The following ATAD2B variants were observed in gnomAD, a reference collection of about 807,000 sequenced individuals.
ATAD2B encodes the protein ATPase family AAA domain-containing protein 2B.
Under a neutral mutation model 167.6 loss-of-function variants are expected in ATAD2B, and 40 were observed. The observed-to-expected ratio is 0.24, with a 90% confidence interval of 0.19 to 0.31. The LOEUF is 0.31. Ranked by LOEUF, ATAD2B falls within the 10% of genes least tolerant of loss-of-function variation. ATAD2B has a pLI of 1.00. For synonymous variants in ATAD2B, 579 were observed against 596.5 expected (o/e 0.97, Z 0.43); for missense variants, 1,242 against 1,757.2 (o/e 0.71, Z 5.24).
chr2:23,856,879 A>C (rs1454227972), intron 13 of ATAD2B, among the ~76,000 whole-genome samples: 1 of 151,838 alleles, frequency 6.6e-6, no homozygotes, highest in East Asian at 1.9e-4. Context: ...AAACCAAAAA[A>C]TTATGCTAAA....
At chr2:23,731,786 G>A in the ATAD2B span, among the ~76,000 whole-genome samples, 2 of 152,040 alleles carry the variant, frequency 1.3e-5, no homozygotes, top group African/African-American at 4.8e-5. Context: ...GACCAGCTTG[G>A]GCAATACAGT....
chr2:23,816,408 G>T (rs899601762), intron 17 of ATAD2B, among the ~76,000 whole-genome samples: 1 of 152,018 alleles, frequency 6.6e-6, no homozygotes, highest in African/African-American at 2.4e-5. Flanking sequence ...ACCAATAAGG[G>T]TCTATAAATT....
chr2:23,924,748 C>G (rs879616396), intron 1 of ATAD2B, among the ~76,000 whole-genome samples: 15 of 152,030 alleles, frequency 9.9e-5, no homozygotes, highest in Non-Finnish European at 1.9e-4. Flanking sequence ...TCATTAGTAC[C>G]CTTCTACAAA....
intron 1 of ATAD2B, among the ~76,000 whole-genome samples, chr2:23,913,839 T>C (rs765644753): frequency 2.0e-5 from 3 of 152,138 alleles, no homozygotes; most frequent in Admixed American, 2.0e-4. Context: ...GAACGGCTCA[T>C]GCCTGTAATC....
At chr2:23,814,169 G>A (rs1686065913) in intron 17 of ATAD2B, among the ~76,000 whole-genome samples, 1 of 152,078 alleles carries the variant, frequency 6.6e-6, no homozygotes. Flanking sequence ...AATGTATAAA[G>A]AGTTTATATG....
intron 11 of ATAD2B, among the ~76,000 whole-genome samples, 158 bp downstream of exon 11, chr2:23,864,651 C>T (rs1694885561): frequency 6.6e-6 from 1 of 152,222 alleles, no homozygotes; most frequent in Non-Finnish European, 1.5e-5. Flanking sequence ...AGTTCCATGG[C>T]CTCTGGACCC....
chr2:23,880,074 AG>A (rs1697637428), intron 7 of ATAD2B, among the ~76,000 whole-genome samples: 1 of 149,006 alleles, frequency 6.7e-6, no homozygotes, highest in African/African-American at 2.4e-5. Context: ...AAAAAAAAAG[AG>A]AGAGAGAGAT....
At chr2:23,912,957 C>G (rs570446868) in intron 1 of ATAD2B, among the ~76,000 whole-genome samples, 1 of 152,276 alleles carries the variant, frequency 6.6e-6, no homozygotes, top group East Asian at 1.9e-4. Flanking sequence ...GATGGAGCCA[C>G]TGCACTCTAG....
intron 18 of ATAD2B, among the ~76,000 whole-genome samples, chr2:23,803,332 ACACACACG>A (rs1683799354): frequency 6.6e-6 from 1 of 151,118 alleles, no homozygotes; most frequent in African/African-American, 2.4e-5. Context: ...ACACACACAC[ACACACACG>A]CGCACGCATT....
At chr2:23,866,713 C>T (rs568895646) in intron 10 of ATAD2B, among the ~76,000 whole-genome samples, 1 of 152,196 alleles carries the variant, frequency 6.6e-6, no homozygotes, top group South Asian at 2.1e-4. Flanking sequence ...GCATTTTCCT[C>T]TATGACTTCA....
chr2:23,765,555 T>C lies in ATAD2B; in HGVS notation c.3207A>G (p.Pro1069=), dbSNP rs770336011. 3 of 1,577,856 alleles carry C rather than the reference T, an allele frequency of 1.9e-6. No individual in the cohort carries two copies. Among genetic ancestry groups the C allele is most frequent in the African/African-American group, 2.7e-5 (2 of 74,396 alleles). Reference sequence around the variant, plus strand: ...TTTCCTCACAAAGTTTATTAAATTCTGGATCTAATTCAGCTGCAATGATAG... The same window carrying C: ...TTTCCTCACAAAGTTTATTAAATTCCGGATCTAATTCAGCTGCAATGATAG... ...AHAIIAAELD[P]EFNKLCEEIK... The change falls in exon 23 of 28, where the codon CCA becomes CCG. Residue 1069 remains proline (P), a synonymous_variant. Coordinates refer to ENST00000238789, the MANE Select transcript of ATAD2B (RefSeq NM_017552.4).
the ATAD2B span, among the ~76,000 whole-genome samples, chr2:23,704,903 T>C: frequency 6.6e-6 from 1 of 152,230 alleles, no homozygotes; most frequent in Admixed American, 6.5e-5. Flanking sequence ...AGAGTGCCCA[T>C]TGTTTGTGTA....
chr2:23,766,987 T>C (rs937940605), intron 22 of ATAD2B, among the ~76,000 whole-genome samples: 1 of 152,006 alleles, frequency 6.6e-6, no homozygotes. Context: ...TGTAAAGAGT[T>C]TGGAGATTTC....
chr2:23,815,194 T>G (rs1305555644), intron 17 of ATAD2B, among the ~76,000 whole-genome samples: 1 of 152,136 alleles, frequency 6.6e-6, no homozygotes, highest in Admixed American at 6.5e-5. Flanking sequence ...GGAAAGGGTT[T>G]TGAAAGAAGG....
chr2:23,821,955 C>A (rs1687514066), intron 16 of ATAD2B, among the ~76,000 whole-genome samples: 1 of 152,096 alleles, frequency 6.6e-6, no homozygotes. Flanking sequence ...CGCACCCAGC[C>A]ATGAGTGATG....
At position 23,926,808 on chromosome 2, in the gene ATAD2B, G is replaced by T; in HGVS notation, c.-38C>A. Reference sequence around the variant, plus strand: ...GGGACGGAGTCCACGCCGCGCCCGGGAGAGCCGAGCAAGGCCGGCCCGCCG... The same window carrying T: ...GGGACGGAGTCCACGCCGCGCCCGGTAGAGCCGAGCAAGGCCGGCCCGCCG... On this transcript the variant is annotated 5_prime_UTR_variant, in exon 1 of 28. Transcript: ENST00000238789. 6.8e-7 allele frequency: 1 copy of T among 1,481,394 alleles called. No homozygotes were observed. Among genetic ancestry groups the T allele is most frequent in the Non-Finnish European group, 9.0e-7 (1 of 1,114,802 alleles). The allele number at this position is 1,481,394 out of a possible 1,614,324, so 91.8% of individuals were successfully genotyped here.
At position 23,875,912 on chromosome 2, in the gene ATAD2B, G is replaced by A. The variant is rs1696750801; in HGVS notation, c.902-8C>T. On this transcript the variant is annotated splice_polypyrimidine_tract_variant and splice_region_variant and intron_variant, in intron 7 of 27. Transcript: ENST00000238789. ...TTTTTTGATGAGCTGGTACTAAAAG[G>A]GAAGAAAAGGATAATAGAGAAATAA... 1 of 1,569,054 alleles carries A rather than the reference G, an allele frequency of 6.4e-7. No individual in the cohort carries two copies.
intron 24 of ATAD2B, among the ~76,000 whole-genome samples, chr2:23,761,560 C>T (rs1056704091): frequency 9.9e-5 from 15 of 152,170 alleles, no homozygotes; most frequent in Non-Finnish European, 1.9e-4. Context: ...GGATTATCAC[C>T]TTTATACCAG....
intron 13 of ATAD2B, among the ~76,000 whole-genome samples, chr2:23,844,668 A>G (rs1691455283): frequency 6.6e-6 from 1 of 152,240 alleles, no homozygotes; most frequent in Non-Finnish European, 1.5e-5. Flanking sequence ...TCACAGCAAC[A>G]GAAACTAACC....
Sources: gnomAD v4.1 joint callset for allele counts (sites outside exome capture counted in the v4.1 genomes callset) on GRCh38, gnomAD v4.1.1 for gene constraint, MANE v1.5 for transcripts, NCBI Gene and HGNC (gene_info 2026-07-23, HGNC 2026-07-21) for gene names.